The following SLC16A7 variants were observed in gnomAD, a reference collection of about 807,000 sequenced individuals.
The protein encoded by SLC16A7 is monocarboxylate transporter 2.
In SLC16A7, 33 loss-of-function variants were observed where a neutral mutation model predicts 34.9. The ratio of observed to expected loss-of-function variants is 0.94; its 90% CI spans 0.72 to 1.26. The LOEUF (loss-of-function observed/expected upper bound fraction) is 1.26, where lower values mean the gene tolerates loss of function less well. Ranked by LOEUF, SLC16A7 falls within the 50% of genes most tolerant of loss-of-function variation. The pLI, the probability that SLC16A7 is intolerant of heterozygous loss-of-function variation, is 0.00. For synonymous variants in SLC16A7, 201 were observed against 206.6 expected, an observed-to-expected ratio of 0.97 and a Z score of 0.23; for missense variants, 573 against 578.1, an observed-to-expected ratio of 0.99 and a Z score of 0.09.
At chr12:59,707,537 A>T (rs1367595290) in intron 3 of SLC16A7, among the ~76,000 whole-genome samples, 1 of 151,958 alleles carries the variant, frequency 6.6e-6, no homozygotes, top group Admixed American at 6.6e-5. Context: ...ATATGGTATA[A>T]TTTTTTAAAA....
chr12:59,678,046 C>T (rs904787359), intron 2 of SLC16A7, among the ~76,000 whole-genome samples: 9 of 152,146 alleles, frequency 5.9e-5, no homozygotes, highest in African/African-American at 2.2e-4. Context: ...AGGTGTGGAG[C>T]AGTGAGGGAC....
At chr12:59,626,584 A>G (rs1879939987) in intron 1 of SLC16A7, among the ~76,000 whole-genome samples, 1 of 151,766 alleles carries the variant, frequency 6.6e-6, no homozygotes, top group Non-Finnish European at 1.5e-5. Context: ...ACTCAAACAC[A>G]GGAGTGCTGA....
At position 59,704,948 on chromosome 12, in the gene SLC16A7, A is replaced by G. The variant is rs760538351; in HGVS notation, c.147A>G (p.Gln49=). 1 of 1,613,812 alleles carries G rather than the reference A, an allele frequency of 6.2e-7. No individual in the cohort carries two copies. The highest frequency in any genetic ancestry group is 8.5e-7 in the Non-Finnish European group (1 of 1,179,786). ...AVTVFFKEIQ[Q]IFHTTYSEIA... is the part of the protein sequence containing the mutation. The stretch of plus-strand genomic sequence containing the variant: ...CCGTATTCTTCAAAGAAATTCAGCA[A>G]ATATTCCACACTACCTACAGTGAAA... Residue 49 remains glutamine (Q), a synonymous_variant, in exon 3 of 6, where the codon CAA becomes CAG. Transcript: ENST00000547379.
rs1312922518 is a variant in SLC16A7 at position 59,783,352 on chromosome 12, GATATGACAGAT to G, written c.*3674_*3684del. On this transcript the variant is annotated 3_prime_UTR_variant, in exon 6 of 6. Transcript: ENST00000547379. ...ACCATGGCAGAATTATTACTAGCTT[GATATGACAGAT>G]GAGTGAAAACAAAAAACAAGCTCAG... The G allele has an allele frequency of 6.6e-6, 1 of 152,110 alleles. No homozygotes were observed. The highest frequency in any genetic ancestry group is 1.5e-5 in the Non-Finnish European group (1 of 68,012). 9.4% of individuals were successfully genotyped at this position (152,110 alleles called of 1,614,324 possible).
chr12:59,760,648 G>A (rs368970798), intron 3 of SLC16A7, among the ~76,000 whole-genome samples: 2 of 151,978 alleles, frequency 1.3e-5, no homozygotes, highest in African/African-American at 4.8e-5. Flanking sequence ...CTGTTAACCT[G>A]ATAACTAAGA....
At chr12:59,708,571 G>C (rs1873853379) in intron 3 of SLC16A7, among the ~76,000 whole-genome samples, 1 of 152,144 alleles carries the variant, frequency 6.6e-6, no homozygotes, top group Admixed American at 6.6e-5. Context: ...TCTCTAGCAA[G>C]TAGCTGAAAT....
intron 2 of SLC16A7, among the ~76,000 whole-genome samples, chr12:59,703,242 CT>C (rs1226062868): frequency 7.9e-5 from 12 of 152,012 alleles, no homozygotes; most frequent in Non-Finnish European, 1.5e-5. Context: ...TCAGGAATAA[CT>C]TTAAATTTTA....
At position 59,619,758 on chromosome 12, in the gene SLC16A7, G is replaced by A. The variant is rs540947913; in HGVS notation, c.-130+23522G>A. Among the ~76,000 whole-genome samples, 14 of 151,986 alleles carry A rather than the reference G, an allele frequency of 9.2e-5. No homozygotes were observed. In the South Asian group the frequency reaches 2.9e-3, roughly 31 times the overall value. ...CATGTGCAAGTGGAATAAATTGCTA[G>A]GCAAGGAGAAGAATGGGACATATGT... is the stretch of plus-strand genomic sequence containing the variant. On this transcript the variant is annotated intron_variant, in intron 1 of 5. Coordinates refer to ENST00000547379, the MANE Select transcript of SLC16A7 (RefSeq NM_001270623.2).
chr12:59,755,646 A>G (rs907411274), intron 3 of SLC16A7, among the ~76,000 whole-genome samples: 6 of 152,204 alleles, frequency 3.9e-5, no homozygotes, highest in African/African-American at 1.4e-4. Flanking sequence ...GCTCATGGGT[A>G]GGAAGAATCA....
At chr12:59,720,338 C>T (rs1159645502) in intron 3 of SLC16A7, 1 of 470,560 alleles carries the variant, frequency 2.1e-6, no homozygotes, top group Non-Finnish European at 3.7e-6. Context: ...ATAATTAGTA[C>T]CCATAACAAC....
At chr12:59,758,230 G>C (rs1004227154) in intron 3 of SLC16A7, among the ~76,000 whole-genome samples, 3 of 151,966 alleles carry the variant, frequency 2.0e-5, no homozygotes, top group Non-Finnish European at 4.4e-5. Flanking sequence ...GTTGAGACTA[G>C]ATCTCATGTT....
intron 1 of SLC16A7, among the ~76,000 whole-genome samples, chr12:59,631,814 C>A (rs944359481): frequency 1.3e-5 from 2 of 151,940 alleles, no homozygotes; most frequent in African/African-American, 4.8e-5. Flanking sequence ...GAGAGCCCTA[C>A]TTGTTTAAAG....
At chr12:59,775,699 T>C (rs765600373) in intron 5 of SLC16A7, among the ~76,000 whole-genome samples, 1 of 152,170 alleles carries the variant, frequency 6.6e-6, no homozygotes, top group Admixed American at 6.5e-5. Context: ...TAAGAACTTA[T>C]GTTAGACTGA....
At chr12:59,708,460 A>G (rs1873839907) in intron 3 of SLC16A7, among the ~76,000 whole-genome samples, 1 of 152,194 alleles carries the variant, frequency 6.6e-6, no homozygotes, top group Non-Finnish European at 1.5e-5. Flanking sequence ...TTCTTACACT[A>G]TGTGAAATAT....
At chr12:59,609,929 CAT>C (rs1401473385) in intron 1 of SLC16A7, among the ~76,000 whole-genome samples, 1 of 152,154 alleles carries the variant, frequency 6.6e-6, no homozygotes, top group African/African-American at 2.4e-5. Flanking sequence ...GTGTGCCAAA[CAT>C]ACAGTTACAG....
rs1341923506 is a variant in SLC16A7, at chr12:59,782,182, C to T, written c.*2503C>T. On this transcript the variant is annotated 3_prime_UTR_variant, in exon 6 of 6. Coordinates refer to ENST00000547379, the MANE Select transcript of SLC16A7 (RefSeq NM_001270623.2). Reference sequence around the variant, plus strand: ...CACTGCACAGTTACAAATATGCACACACGTTAACTGCTATGCATAAATATT... The same window carrying T: ...CACTGCACAGTTACAAATATGCACATACGTTAACTGCTATGCATAAATATT... 1 of 152,216 alleles carries T rather than the reference C, an allele frequency of 6.6e-6. No homozygotes were observed. The highest frequency in any genetic ancestry group is 2.4e-5 in the African/African-American group (1 of 41,466). 9.4% of individuals were successfully genotyped at this position (152,216 alleles called of 1,614,324 possible). A position where few individuals can be genotyped will look rare whatever the true frequency, so the allele number is the denominator to read the frequency against.
At chr12:59,652,413 G>A (rs896870355) in intron 1 of SLC16A7, among the ~76,000 whole-genome samples, 24 of 151,728 alleles carry the variant, frequency 1.6e-4, no homozygotes, top group Non-Finnish European at 7.4e-5. Context: ...AATGCATTTC[G>A]TTGTAACTAA....
intron 2 of SLC16A7, among the ~76,000 whole-genome samples, chr12:59,688,444 T>G (rs970026612): frequency 6.6e-6 from 1 of 152,104 alleles, no homozygotes; most frequent in Non-Finnish European, 1.5e-5. Flanking sequence ...TTGAACAAGA[T>G]ATTTGACATC....
intron 3 of SLC16A7, among the ~76,000 whole-genome samples, chr12:59,743,085 T>C (rs1878516511): frequency 6.6e-6 from 1 of 152,170 alleles, no homozygotes; most frequent in African/African-American, 2.4e-5. Flanking sequence ...ATGCTTGAGG[T>C]ACCAGAGGGA....
Sources: gnomAD v4.1 joint callset for allele counts (sites outside exome capture counted in the v4.1 genomes callset) on GRCh38, gnomAD v4.1.1 for gene constraint, MANE v1.5 for transcripts, NCBI Gene and HGNC (gene_info 2026-07-23, HGNC 2026-07-21) for gene names.